The following SEC31A variants were observed in gnomAD, a reference collection of about 807,000 sequenced individuals.
SEC31A encodes protein transport protein Sec31A.
SEC31A carries 70 observed loss-of-function variants against 151.0 expected under a neutral mutation model. The observed-to-expected ratio is 0.46, with a 90% CI of 0.38 to 0.57. The LOEUF is 0.57. SEC31A is among the 20% of genes least tolerant of loss of function. SEC31A has a pLI of 0.00. For synonymous variants in SEC31A, 475 were observed against 505.9 expected (o/e 0.94, Z 0.82); for missense variants, 1,330 against 1,471.2 (o/e 0.90, Z 1.57).
At chr4:82,829,862 G>A (rs1388320999) in intron 22 of SEC31A, among the ~76,000 whole-genome samples, 2 of 152,052 alleles carry the variant, frequency 1.3e-5, no homozygotes, top group Non-Finnish European at 2.9e-5. Flanking sequence ...AAAGAGGAAA[G>A]GAATACAACA....
intron 3 of SEC31A, among the ~76,000 whole-genome samples, chr4:82,899,177 A>C (rs1053030454): frequency 5.3e-5 from 8 of 152,184 alleles, no homozygotes; most frequent in Non-Finnish European, 2.9e-5. Context: ...ACGGAAACTA[A>C]ATTAGTGTTT....
intron 11 of SEC31A, among the ~76,000 whole-genome samples, 164 bp downstream of exon 11, chr4:82,864,198 A>G (rs1560636033): frequency 6.6e-6 from 1 of 152,208 alleles, no homozygotes. Context: ...AACTCTGGAC[A>G]TAAGTTAGGT....
At chr4:82,898,061 T>C (rs1406065143) in intron 3 of SEC31A, 1 of 152,224 alleles carries the variant, frequency 6.6e-6, no homozygotes, top group East Asian at 1.9e-4. Flanking sequence ...AGAGTACAAT[T>C]CCTGAAAAGA....
intron 4 of SEC31A, among the ~76,000 whole-genome samples, chr4:82,878,442 C>T (rs912289599): frequency 1.3e-5 from 2 of 152,082 alleles, no homozygotes; most frequent in African/African-American, 4.8e-5. Flanking sequence ...TGCAGTGAGC[C>T]AAGATCATGC....
intron 7 of SEC31A, chr4:82,871,677 TA>T: frequency 1.9e-6 from 1 of 524,652 alleles, no homozygotes. Flanking sequence ...AAAATTTTTA[TA>T]AAACTATAAA....
At chr4:82,880,967 G>A (rs755338613) in intron 2 of SEC31A, 45 bp from the exon 3 acceptor site, 9 of 1,514,044 alleles carry the variant, frequency 5.9e-6, no homozygotes, top group South Asian at 4.8e-5. Flanking sequence ...AAAAATAAAA[G>A]ATCAGAGAAA....
At chr4:82,829,753 A>C (rs143361848) in intron 22 of SEC31A, among the ~76,000 whole-genome samples, 36 of 152,342 alleles carry the variant, frequency 2.4e-4, no homozygotes, top group African/African-American at 5.5e-4. Context: ...TCTAAAAAAA[A>C]ACACATGCAC....
At chr4:82,866,488 C>A (rs930229006) in intron 10 of SEC31A, among the ~76,000 whole-genome samples, 5 of 150,806 alleles carry the variant, frequency 3.3e-5, no homozygotes, top group Non-Finnish European at 5.9e-5. Context: ...AACAAACAAA[C>A]AAAAAAATGG....
chr4:82,869,086 C>A (rs1736054351), intron 8 of SEC31A, among the ~76,000 whole-genome samples: 1 of 151,830 alleles, frequency 6.6e-6, no homozygotes, highest in Admixed American at 6.6e-5. Context: ...ATTTATCTAT[C>A]CTTTATTTGC....
At chr4:82,860,630 G>A (rs919821975) in intron 14 of SEC31A, among the ~76,000 whole-genome samples, 4 of 144,410 alleles carry the variant, frequency 2.8e-5, no homozygotes, top group African/African-American at 7.3e-5. Context: ...GTGCCACCAC[G>A]CCTGGCTAAT....
At chr4:82,863,460 A>G in intron 11 of SEC31A, 68 bp from the exon 12 acceptor site, 5 of 819,808 alleles carry the variant, frequency 6.1e-6, no homozygotes, top group Non-Finnish European at 5.8e-6. Context: ...TATAAGAATG[A>G]ATCAAATTCC....
At chr4:82,877,285 C>T (rs1738178369) in intron 4 of SEC31A, among the ~76,000 whole-genome samples, 1 of 151,556 alleles carries the variant, frequency 6.6e-6, no homozygotes, top group African/African-American at 2.4e-5. Flanking sequence ...ATTGCTATAC[C>T]CTAAGTATCT....
chr4:82,897,112 A>C (rs1158843954), intron 3 of SEC31A, among the ~76,000 whole-genome samples: 1 of 151,710 alleles, frequency 6.6e-6, no homozygotes, highest in Non-Finnish European at 1.5e-5. Context: ...AAGAAAAAAC[A>C]CTCCCCCTTT....
chr4:82,864,611 G>T lies in SEC31A; in HGVS notation c.1198-13C>A. ...GTTTGCCTCCAAACTATAAAAGAGA[G>T]AATGAACAAACTCAGTGTTAACCCA... is the stretch of plus-strand genomic sequence containing the variant. On this transcript the variant is annotated splice_polypyrimidine_tract_variant and intron_variant, in intron 10 of 26. Coordinates refer to ENST00000395310, the MANE Select transcript of SEC31A (RefSeq NM_001077207.4). 6.2e-7 allele frequency: 1 copy of T among 1,609,770 alleles called. No individual in the cohort carries two copies. The highest frequency in any genetic ancestry group is 2.2e-5 in the East Asian group (1 of 44,838).
At chr4:82,870,555 G>C (rs748986063) in intron 7 of SEC31A, 131 bp from the exon 8 acceptor site, 1 of 704,800 alleles carries the variant, frequency 1.4e-6, no homozygotes, top group Admixed American at 2.5e-5. Context: ...TTTCAGCGCC[G>C]GGCGCATTGG....
rs1347629636 is a variant in SEC31A at position 82,888,276 on chromosome 4, C to G, written c.-5+2812G>C. ...CTGTAATCCCAGCTACTCAGGAGGC[C>G]GAGGCAGAAGAATCGCTTGAACCCG... On this transcript the variant is annotated intron_variant, in intron 1 of 26. Coordinates refer to ENST00000395310, the MANE Select transcript of SEC31A (RefSeq NM_001077207.4). Among the ~76,000 whole-genome samples the G allele has an allele frequency of 9.1e-5, 12 of 132,166 alleles. No individual in the cohort carries two copies. In the East Asian group the frequency reaches 2.9e-3, roughly 32 times the overall value. The allele number at this position is 132,166 out of a possible 152,430, so 86.7% of individuals were successfully genotyped here.
chr4:82,870,095 G>A (rs11737659), intron 8 of SEC31A, among the ~76,000 whole-genome samples: 42,057 of 151,918 alleles, frequency 0.28, 6,858 homozygotes, highest in East Asian at 0.49. Context: ...AATGAGGAGG[G>A]GATGGTTACT....
intron 2 of SEC31A, 66 bp from the exon 3 acceptor site, chr4:82,880,988 CAG>C: frequency 7.2e-7 from 1 of 1,396,436 alleles, no homozygotes. Flanking sequence ...CCATACAAAA[CAG>C]AAGTTAAAAG....
chr4:82,887,500 G>A (rs550569134), intron 1 of SEC31A, among the ~76,000 whole-genome samples: 61 of 152,290 alleles, frequency 4.0e-4, no homozygotes, highest in African/African-American at 1.4e-3. Flanking sequence ...AGAGCATGGG[G>A]TCTAGGGCAG....
Sources: gnomAD v4.1 joint callset for allele counts (sites outside exome capture counted in the v4.1 genomes callset) on GRCh38, gnomAD v4.1.1 for gene constraint, MANE v1.5 for transcripts, NCBI Gene and HGNC (gene_info 2026-07-23, HGNC 2026-07-21) for gene names.